The following HS3ST5 variants were observed in gnomAD, a reference collection of about 807,000 sequenced individuals.
HS3ST5 encodes the protein heparan sulfate glucosamine 3-O-sulfotransferase 5.
A neutral mutation model predicts 25.4 loss-of-function variants in HS3ST5; 10 were observed. The ratio of observed to expected loss-of-function variants is 0.39; its 90% CI spans 0.24 to 0.67. The LOEUF is 0.67. HS3ST5 is among the 30% of genes least tolerant of loss of function. HS3ST5 has a pLI of 0.44. For synonymous variants in HS3ST5, 170 were observed against 162.4 expected (o/e 1.05, Z -0.36); for missense variants, 324 against 420.7 (o/e 0.77, Z 2.01).
chr6:114,174,791 G>A (rs931509244), intron 2 of HS3ST5, among the ~76,000 whole-genome samples: 3 of 152,020 alleles, frequency 2.0e-5, no homozygotes, highest in African/African-American at 7.2e-5. Context: ...TCAAGAGATG[G>A]AGACCATCCT....
At chr6:114,201,739 AT>A (rs1781025074) in intron 2 of HS3ST5, among the ~76,000 whole-genome samples, 1 of 152,150 alleles carries the variant, frequency 6.6e-6, no homozygotes, top group Non-Finnish European at 1.5e-5. Flanking sequence ...TATAAAGGTA[AT>A]TTATAAAGGA....
chr6:114,058,083 C>T lies in HS3ST5; in HGVS notation c.215G>A (p.Arg72Gln), dbSNP rs762269276. 8.1e-6 allele frequency: 13 copies of T among 1,614,028 alleles called. No individual in the cohort carries two copies. Among genetic ancestry groups the T allele is most frequent in the East Asian group, 2.2e-5 (1 of 44,890 alleles). Residue 72 changes from arginine (R) to glutamine (Q), a missense_variant, in exon 5 of 5, where the codon CGG (arginine) becomes CAG (glutamine). By Grantham distance (43) the Arg-to-Gln change is conservative (BLOSUM62 1). Coordinates refer to ENST00000312719, the MANE Select transcript of HS3ST5 (RefSeq NM_153612.4). ...CTGCTCCTTGGAAGCGTTGCCCTTC[C>T]GGAACTCGTGCAGCAGGCCACGCTT... ...QFKRGLLHEF[R>Q]KGNASKEQVR...
chr6:114,075,594 A>C (rs1014354569), intron 3 of HS3ST5, among the ~76,000 whole-genome samples: 3 of 152,208 alleles, frequency 2.0e-5, no homozygotes, highest in Non-Finnish European at 4.4e-5. Flanking sequence ...TCGCTGTCTT[A>C]GAATTCTCTG....
At chr6:114,248,480 GA>G (rs1772490634) in intron 1 of HS3ST5, among the ~76,000 whole-genome samples, 2 of 151,472 alleles carry the variant, frequency 1.3e-5, no homozygotes, top group Non-Finnish European at 2.9e-5. Flanking sequence ...ATAAGTAATA[GA>G]AAAAAATAAA....
intron 1 of HS3ST5, among the ~76,000 whole-genome samples, chr6:114,308,834 G>C (rs1775413044): frequency 6.6e-6 from 1 of 152,124 alleles, no homozygotes; most frequent in Admixed American, 6.6e-5. Context: ...ACAAAACCCT[G>C]AAATGCCCAT....
At chr6:114,143,650 G>A (rs1778012485) in intron 3 of HS3ST5, 1 of 152,176 alleles carries the variant, frequency 6.6e-6, no homozygotes, top group Admixed American at 6.5e-5. Flanking sequence ...CCAAACTGCA[G>A]CTTATTACAT....
chr6:114,262,462 G>C (rs939779631), intron 1 of HS3ST5, among the ~76,000 whole-genome samples: 5 of 151,970 alleles, frequency 3.3e-5, no homozygotes, highest in African/African-American at 4.8e-5. Flanking sequence ...CAGGAGAATG[G>C]CGTGAACCCA....
At chr6:114,334,828 G>C (rs571331520) in intron 1 of HS3ST5, among the ~76,000 whole-genome samples, 1 of 152,218 alleles carries the variant, frequency 6.6e-6, no homozygotes, top group Admixed American at 6.5e-5. Flanking sequence ...GAAGGATTTT[G>C]GCAGACTTAT....
intron 2 of HS3ST5, among the ~76,000 whole-genome samples, chr6:114,227,684 A>T (rs1771367293): frequency 6.6e-6 from 1 of 152,066 alleles, no homozygotes; most frequent in Non-Finnish European, 1.5e-5. Context: ...TTCTTTTAAA[A>T]TCTAAGTCTG....
intron 3 of HS3ST5, among the ~76,000 whole-genome samples, chr6:114,091,470 G>T (rs537531061): frequency 2.0e-5 from 3 of 152,032 alleles, no homozygotes; most frequent in Admixed American, 2.0e-4. Flanking sequence ...CAGGTCAGGA[G>T]AGCGAGACCA....
At position 114,179,870 on chromosome 6, in the gene HS3ST5, G is replaced by C. The variant is rs553922163; in HGVS notation, c.-144-11408C>G. Among the ~76,000 whole-genome samples, 13 of 152,170 alleles carry C rather than the reference G, an allele frequency of 8.5e-5. No individual in the cohort carries two copies. The South Asian group carries it at 2.5e-3, about 29-fold the overall frequency. On this transcript the variant is annotated intron_variant, in intron 2 of 4. Transcript: ENST00000312719. ...TCAGTCTGTGGCTGAAGGCCGGAGAGCCCCTAGCATACCACTGGTGTAAGT... is the reference window on the plus strand; with the variant it reads ...TCAGTCTGTGGCTGAAGGCCGGAGACCCCCTAGCATACCACTGGTGTAAGT...
At chr6:114,224,760 T>C (rs761755740) in intron 2 of HS3ST5, among the ~76,000 whole-genome samples, 3 of 151,258 alleles carry the variant, frequency 2.0e-5, no homozygotes, top group African/African-American at 2.4e-5. Context: ...TTTTTGTTAG[T>C]TGTTTTAGTT....
At chr6:114,340,068 T>G (rs891685938) in intron 1 of HS3ST5, among the ~76,000 whole-genome samples, 1 of 152,186 alleles carries the variant, frequency 6.6e-6, no homozygotes, top group Admixed American at 6.6e-5. Context: ...TGAGTGAAAA[T>G]TCAGTGAGTA....
intron 1 of HS3ST5, among the ~76,000 whole-genome samples, chr6:114,277,225 T>A (rs1324435499): frequency 1.3e-5 from 2 of 151,092 alleles, no homozygotes; most frequent in South Asian, 2.1e-4. Context: ...TTTTTTTTTT[T>A]AATTCTTGAT....
intron 1 of HS3ST5, among the ~76,000 whole-genome samples, chr6:114,327,343 G>T (rs1167204603): frequency 6.6e-6 from 1 of 152,112 alleles, no homozygotes; most frequent in Non-Finnish European, 1.5e-5. Flanking sequence ...TCCACTAGAG[G>T]GTGAGTGGGA....
chr6:114,208,858 G>A (rs1781391148), intron 2 of HS3ST5, among the ~76,000 whole-genome samples: 1 of 152,062 alleles, frequency 6.6e-6, no homozygotes, highest in Non-Finnish European at 1.5e-5. Context: ...AAATCATGAT[G>A]CAGCTATTTT....
chr6:114,301,070 G>C (rs1054459649), intron 1 of HS3ST5, among the ~76,000 whole-genome samples: 1 of 152,102 alleles, frequency 6.6e-6, no homozygotes, highest in Non-Finnish European at 1.5e-5. Flanking sequence ...AAATGTTCTA[G>C]AATAAAATGT....
intron 1 of HS3ST5, among the ~76,000 whole-genome samples, chr6:114,283,141 A>G (rs996736665): frequency 6.6e-6 from 1 of 151,976 alleles, no homozygotes; most frequent in African/African-American, 2.4e-5. Context: ...ATTATTTTTA[A>G]ATTTTTAGTT....
intron 3 of HS3ST5, among the ~76,000 whole-genome samples, chr6:114,090,333 C>T (rs187924813): frequency 1.3e-5 from 2 of 152,108 alleles, no homozygotes; most frequent in Admixed American, 6.5e-5. Flanking sequence ...AATTGTGTCT[C>T]GAATGCCAGT....
Sources: gnomAD v4.1 joint callset for allele counts (sites outside exome capture counted in the v4.1 genomes callset) on GRCh38, gnomAD v4.1.1 for gene constraint, MANE v1.5 for transcripts, NCBI Gene and HGNC (gene_info 2026-07-23, HGNC 2026-07-21) for gene names.